The following RYR2 variants were observed in gnomAD, a reference collection of about 807,000 sequenced individuals.
The protein encoded by RYR2 is ryanodine receptor 2, also known as cardiac muscle ryanodine receptor-calcium release channel.
In RYR2, 227 loss-of-function variants were observed where a neutral mutation model predicts 601.1. That is an observed-to-expected ratio of 0.38 (90% CI 0.34 to 0.42). RYR2 has a LOEUF of 0.42. RYR2 is among the 10% of genes least tolerant of loss of function. The pLI is 1.00. For missense variants in RYR2, 4,646 were observed against 6,156.5 expected, an observed-to-expected ratio of 0.75 and a Z score of 8.21; for synonymous variants, 2,223 against 2,175.1, an observed-to-expected ratio of 1.02 and a Z score of -0.61.
At chr1:237,525,955 G>A (rs191258204) in intron 24 of RYR2, among the ~76,000 whole-genome samples, 2 of 146,390 alleles carry the variant, frequency 1.4e-5, no homozygotes, top group African/African-American at 5.0e-5. Context: ...ACTCCAGCCT[G>A]GGTGACAAGA....
chr1:237,179,057 C>T (rs1438305668), intron 1 of RYR2, among the ~76,000 whole-genome samples: 1 of 152,164 alleles, frequency 6.6e-6, no homozygotes, highest in Non-Finnish European at 1.5e-5. Flanking sequence ...TGTCATCTTG[C>T]TGAATTATAA....
chr1:237,570,522 A>G (rs547035735), intron 29 of RYR2, among the ~76,000 whole-genome samples: 11 of 151,800 alleles, frequency 7.2e-5, no homozygotes, highest in Admixed American at 1.3e-4. Flanking sequence ...TATTTTTAGT[A>G]GAGACGGGGT....
At chr1:237,435,141 A>G (rs1020047206) in intron 12 of RYR2, among the ~76,000 whole-genome samples, 5 of 152,152 alleles carry the variant, frequency 3.3e-5, no homozygotes, top group African/African-American at 1.2e-4. Flanking sequence ...TTCATTCAGA[A>G]TATGTTTCAG....
intron 2 of RYR2, among the ~76,000 whole-genome samples, chr1:237,325,099 G>T (rs1008644877): frequency 3.3e-5 from 5 of 152,196 alleles, no homozygotes; most frequent in African/African-American, 1.2e-4. Flanking sequence ...TGCTGGTGGT[G>T]GCGGTGGTCA....
At chr1:237,058,995 G>C (rs1007023792) in intron 1 of RYR2, among the ~76,000 whole-genome samples, 3 of 151,968 alleles carry the variant, frequency 2.0e-5, no homozygotes, top group African/African-American at 7.3e-5. Flanking sequence ...ATGTCTAGCA[G>C]AACGAGAAAT....
chr1:237,638,589 G>A (rs2148725181), intron 45 of RYR2, 97 bp downstream of exon 45: 2 of 1,302,012 alleles, frequency 1.5e-6, no homozygotes, highest in East Asian at 2.4e-5. Context: ...GGAAGTATTA[G>A]TAAAGAAATC....
At chr1:237,430,534 T>A (rs1283538208) in intron 12 of RYR2, among the ~76,000 whole-genome samples, 1 of 152,102 alleles carries the variant, frequency 6.6e-6, no homozygotes, top group Non-Finnish European at 1.5e-5. Context: ...TTTAGAAAGA[T>A]CAAAATGGAA....
chr1:237,202,920 C>A (rs1277818823), intron 1 of RYR2, among the ~76,000 whole-genome samples: 1 of 152,146 alleles, frequency 6.6e-6, no homozygotes, highest in Non-Finnish European at 1.5e-5. Flanking sequence ...TTCCAAACAA[C>A]ATAGTCACCA....
chr1:237,717,103 T>G, intron 71 of RYR2, 95 bp from the exon 72 acceptor site: 7 of 1,071,752 alleles, frequency 6.5e-6, no homozygotes, highest in Admixed American at 2.4e-5. Flanking sequence ...CAGCAGAAAA[T>G]GAGGAAGATG....
At chr1:237,352,238 A>G (rs546198600) in intron 3 of RYR2, among the ~76,000 whole-genome samples, 100 of 152,182 alleles carry the variant, frequency 6.6e-4, no homozygotes, top group African/African-American at 2.4e-3. Flanking sequence ...TGGAATTAAA[A>G]ATGAGCTTGG....
At chr1:237,537,124 C>T (rs574295214) in intron 25 of RYR2, among the ~76,000 whole-genome samples, 2 of 152,168 alleles carry the variant, frequency 1.3e-5, no homozygotes, top group Non-Finnish European at 2.9e-5. Flanking sequence ...TAAATTAGTA[C>T]AACCACTATG....
intron 73 of RYR2, among the ~76,000 whole-genome samples, chr1:237,721,272 G>A (rs76531661): frequency 0.022 from 3,354 of 152,094 alleles, 119 homozygotes; most frequent in African/African-American, 0.077. Context: ...AAAAGTAAAC[G>A]GATGAAAACA....
At chr1:237,546,976 C>CATATATATATATATATAT (rs558814390) in intron 25 of RYR2, among the ~76,000 whole-genome samples, 3,433 of 96,598 alleles carry the variant, frequency 0.036, 193 homozygotes, top group Non-Finnish European at 0.052. Context: ...TTTTCAAAAG[C>CATATATATATATATATAT]ATATATATAT....
At chr1:237,274,091 G>C (rs979152252) in intron 2 of RYR2, among the ~76,000 whole-genome samples, 7 of 145,146 alleles carry the variant, frequency 4.8e-5, no homozygotes, top group Non-Finnish European at 9.0e-5. Flanking sequence ...ATTTAATGTA[G>C]ATATATGATA....
At chr1:237,406,172 T>TCCCCTC (rs1703859667) in intron 10 of RYR2, among the ~76,000 whole-genome samples, 1 of 18,088 alleles carries the variant, frequency 5.5e-5, no homozygotes, top group Non-Finnish European at 9.1e-5. Flanking sequence ...TCCCTTCCCT[T>TCCCCTC]CCCTCCCCTC....
At chr1:237,187,823 A>C (rs61832396) in intron 1 of RYR2, among the ~76,000 whole-genome samples, 145,629 of 151,980 alleles carry the variant, frequency 0.96, 69,935 homozygotes, top group Non-Finnish European at 0.99. Flanking sequence ...TCCAGAGATT[A>C]TTTGAGATTA....
At position 237,494,376 on chromosome 1, in the gene RYR2, C is replaced by G. The variant is rs140714029; in HGVS notation, c.1961+1289C>G. Among the ~76,000 whole-genome samples the G allele has an allele frequency of 4.4e-3, 667 of 152,232 alleles. 4 individuals carry two copies. Among genetic ancestry groups the G allele is most frequent in the African/African-American group, 0.014 (602 of 41,528 alleles). ...GTTCAAGGGCAGAAAGCACCCAGCA[C>G]GGGAGAAAGATGAAGGATGGAAAAC... is the stretch of plus-strand genomic sequence containing the variant. On this transcript the variant is annotated intron_variant, in intron 19 of 104. Coordinates refer to ENST00000366574, the MANE Select transcript of RYR2 (RefSeq NM_001035.3).
chr1:237,495,361 A>G (rs1363547040), intron 19 of RYR2, among the ~76,000 whole-genome samples: 1 of 152,186 alleles, frequency 6.6e-6, no homozygotes, highest in African/African-American at 2.4e-5. Context: ...ACTGTGCTGG[A>G]AAAATGGAAA....
At chr1:237,700,074 G>A (rs1362366477) in intron 64 of RYR2, among the ~76,000 whole-genome samples, 155 bp from the exon 65 acceptor site, 2 of 152,182 alleles carry the variant, frequency 1.3e-5, no homozygotes, top group Admixed American at 1.3e-4. Context: ...GTAACTTCAA[G>A]TATATTGAAA....
Sources: gnomAD v4.1 joint callset for allele counts (sites outside exome capture counted in the v4.1 genomes callset) on GRCh38, gnomAD v4.1.1 for gene constraint, MANE v1.5 for transcripts, NCBI Gene and HGNC (gene_info 2026-07-23, HGNC 2026-07-21) for gene names.